The following SPMIP5 variants were observed in gnomAD, a reference collection of about 807,000 sequenced individuals.
SPMIP5 encodes sperm microtubule inner protein 5, also known as sperm-associated microtubule inner protein 5.
At chr10:116,666,530 A>T in the SPMIP5 span, among the ~76,000 whole-genome samples, 1 of 152,294 alleles carries the variant, frequency 6.6e-6, no homozygotes, top group South Asian at 2.1e-4. Context: ...TAAATAAATA[A>T]ATCTCTCTCC....
chr10:116,665,644 G>A, the SPMIP5 span: 3 of 1,613,974 alleles, frequency 1.9e-6, no homozygotes, highest in Non-Finnish European at 2.5e-6. Flanking sequence ...TTGTACTGGT[G>A]CAGGGCCTGC....
chr10:116,664,685 C>T, the SPMIP5 span: 1 of 1,557,074 alleles, frequency 6.4e-7, no homozygotes, highest in South Asian at 1.2e-5. Flanking sequence ...ATGGGGACAT[C>T]TGGTAAACCC....
At chr10:116,669,382 G>A in the SPMIP5 span, among the ~76,000 whole-genome samples, 1 of 152,182 alleles carries the variant, frequency 6.6e-6, no homozygotes, top group Admixed American at 6.5e-5. Flanking sequence ...TCACGTACCT[G>A]ACTCCTGGGA....
the SPMIP5 span, among the ~76,000 whole-genome samples, chr10:116,668,599 C>T: frequency 6.6e-6 from 1 of 151,900 alleles, no homozygotes; most frequent in Non-Finnish European, 1.5e-5. Context: ...TCCATCCGAC[C>T]TCCAGCCATC....
chr10:116,663,721 C>A, the SPMIP5 span: 1 of 631,634 alleles, frequency 1.6e-6, no homozygotes. Flanking sequence ...TCTTTATTCC[C>A]ACATGACAAA....
chr10:116,663,962 A>G, the SPMIP5 span: 1 of 1,538,948 alleles, frequency 6.5e-7, no homozygotes, highest in Admixed American at 2.0e-5. Context: ...TTCCCACTGC[A>G]TGGTATACTT....
chr10:116,665,656 G>T, the SPMIP5 span: 1 of 1,614,112 alleles, frequency 6.2e-7, no homozygotes, highest in Non-Finnish European at 8.5e-7. Context: ...AGGGCCTGCA[G>T]GACCGTCTCC....
At chr10:116,665,353 C>T in the SPMIP5 span, 52 of 373,744 alleles carry the variant, frequency 1.4e-4, no homozygotes, top group Non-Finnish European at 2.0e-4. Flanking sequence ...TGCAGTGAGC[C>T]GAGATCACAC....
the SPMIP5 span, among the ~76,000 whole-genome samples, chr10:116,666,455 ATT>A: frequency 0.054 from 8,061 of 148,776 alleles, 450 homozygotes; most frequent in African/African-American, 0.13. Flanking sequence ...CAATAAAACC[ATT>A]TTTTTTTTTT....
the SPMIP5 span, chr10:116,664,141 G>A: frequency 8.1e-6 from 13 of 1,613,876 alleles, no homozygotes; most frequent in East Asian, 1.3e-4. Flanking sequence ...TTTTTAAAAC[G>A]GTAGTAGGAA....
the SPMIP5 span, among the ~76,000 whole-genome samples, chr10:116,666,292 C>T: frequency 6.6e-6 from 1 of 152,124 alleles, no homozygotes; most frequent in Non-Finnish European, 1.5e-5. Flanking sequence ...CCCTGTTACA[C>T]AAAAAGGTAA....
At chr10:116,670,178 C>T in the SPMIP5 span, 3 of 152,414 alleles carry the variant, frequency 2.0e-5, no homozygotes, top group Non-Finnish European at 4.4e-5. Context: ...GAGCTGTCCT[C>T]CGCGCCTTGG....
the SPMIP5 span, chr10:116,664,359 T>C: frequency 1.1e-6 from 1 of 947,400 alleles, no homozygotes; most frequent in Non-Finnish European, 1.5e-6. Context: ...TACATAAATA[T>C]GAGTAAATAT....
At chr10:116,667,966 G>A in the SPMIP5 span, among the ~76,000 whole-genome samples, 3 of 152,326 alleles carry the variant, frequency 2.0e-5, no homozygotes, top group South Asian at 6.2e-4. Context: ...ATCACATTGT[G>A]TCTATCCTCA....
At chr10:116,662,763 G>A in the SPMIP5 span, among the ~76,000 whole-genome samples, 2 of 152,110 alleles carry the variant, frequency 1.3e-5, no homozygotes, top group Non-Finnish European at 2.9e-5. Flanking sequence ...AAACATGAAA[G>A]TCCTAGTCCC....
the SPMIP5 span, chr10:116,665,151 C>A: frequency 2.3e-6 from 3 of 1,309,764 alleles, no homozygotes; most frequent in Admixed American, 7.1e-5. Context: ...AATCCCAGCA[C>A]TTTGGGAGGC....
the SPMIP5 span, chr10:116,665,075 A>G: frequency 6.8e-7 from 1 of 1,460,636 alleles, no homozygotes; most frequent in African/African-American, 1.4e-5. Flanking sequence ...CCTCTTCCCT[A>G]ACCAGGACTG....
the SPMIP5 span, chr10:116,665,404 C>CAAAAA: frequency 1.8e-5 from 5 of 281,368 alleles, no homozygotes; most frequent in South Asian, 6.1e-5. Flanking sequence ...GACTCCGTCT[C>CAAAAA]AAAAAAAAAA....
At chr10:116,665,658 A>T in the SPMIP5 span, 1 of 1,614,048 alleles carries the variant, frequency 6.2e-7, no homozygotes, top group East Asian at 2.2e-5. Flanking sequence ...GGCCTGCAGG[A>T]CCGTCTCCTC....
Sources: gnomAD v4.1 joint callset for allele counts (sites outside exome capture counted in the v4.1 genomes callset) on GRCh38, gnomAD v4.1.1 for gene constraint, MANE v1.5 for transcripts, NCBI Gene and HGNC (gene_info 2026-07-23, HGNC 2026-07-21) for gene names.